Variants in B4GALT1 observed in about 807,000 individuals in gnomAD.
The protein encoded by B4GALT1 is beta-1,4-galactosyltransferase 1.
A neutral mutation model predicts 34.9 loss-of-function variants in B4GALT1; 16 were observed. The ratio of observed to expected loss-of-function variants is 0.46; its 90% CI spans 0.31 to 0.70. B4GALT1 has a LOEUF of 0.70. B4GALT1 is among the 30% of genes least tolerant of loss of function. The pLI is 0.05. For synonymous variants in B4GALT1, 221 were observed against 218.1 expected (o/e 1.01, Z -0.12); for missense variants, 445 against 530.5 (o/e 0.84, Z 1.58).
chr9:33,128,618 C>T (rs1367634962), intron 2 of B4GALT1, among the ~76,000 whole-genome samples: 1 of 152,118 alleles, frequency 6.6e-6, no homozygotes, highest in East Asian at 1.9e-4. Context: ...TCCAAGTGCC[C>T]GAAGGAAGGG....
Position 33,135,425 on chromosome 9 carries a change from C to T in B4GALT1, c.413-1G>A, listed in dbSNP as rs768622581. 1 of 1,613,952 alleles carries T rather than the reference C, an allele frequency of 6.2e-7. No individual in the cohort carries two copies. The highest frequency in any genetic ancestry group is 8.5e-7 in the Non-Finnish European group (1 of 1,179,924). Reference sequence around the variant, plus strand: ...TTAAACTCAATCAGCATGGGGCCCACTAGAGAGGTGGAGGGAGGGAGAAGT... The same window carrying T: ...TTAAACTCAATCAGCATGGGGCCCATTAGAGAGGTGGAGGGAGGGAGAAGT... On this transcript the variant is annotated splice_acceptor_variant, in intron 1 of 5. Transcript: ENST00000379731. LOFTEE classifies it high-confidence loss of function.
In B4GALT1 at chr9:33,112,471, G is replaced by C. The variant is rs1423308483; in HGVS notation, c.*983C>G. 1 of 152,622 alleles carries C rather than the reference G, an allele frequency of 6.6e-6. No individual in the cohort carries two copies. 9.5% of individuals were successfully genotyped at this position (152,622 alleles called of 1,614,324 possible). On this transcript the variant is annotated 3_prime_UTR_variant, in exon 6 of 6. Transcript: ENST00000379731. The stretch of plus-strand genomic sequence containing the variant: ...GGGGCCAGAGGGTGATTTTGCTCTT[G>C]AGAAAACCTGGCCTGCCAGCTAAAT...
intron 1 of B4GALT1, among the ~76,000 whole-genome samples, chr9:33,152,540 T>C (rs1226054701): frequency 1.0e-5 from 1 of 100,126 alleles, no homozygotes; most frequent in African/African-American, 3.9e-5. Context: ...TAAAAAAAAA[T>C]GGGCCAAAAA....
chr9:33,128,231 C>T (rs1402767293), intron 2 of B4GALT1, among the ~76,000 whole-genome samples: 2 of 152,144 alleles, frequency 1.3e-5, no homozygotes, highest in African/African-American at 2.4e-5. Flanking sequence ...AGGTAAAAGG[C>T]CCCTGCTAGA....
chr9:33,128,420 G>GA (rs910336605), intron 2 of B4GALT1, among the ~76,000 whole-genome samples: 1 of 152,092 alleles, frequency 6.6e-6, no homozygotes, highest in African/African-American at 2.4e-5. Context: ...TGGGTGAGCA[G>GA]AAAAAATGGC....
At chr9:33,127,734 T>A (rs575387295) in intron 2 of B4GALT1, among the ~76,000 whole-genome samples, 2 of 152,324 alleles carry the variant, frequency 1.3e-5, no homozygotes, top group Admixed American at 1.3e-4. Flanking sequence ...ATGAAGACTA[T>A]GAAATAACAT....
intron 1 of B4GALT1, among the ~76,000 whole-genome samples, chr9:33,138,922 C>T (rs1840308296): frequency 1.3e-5 from 2 of 152,050 alleles, no homozygotes; most frequent in South Asian, 2.1e-4. Flanking sequence ...CTTCTATTCC[C>T]CCTCCTCTCT....
chr9:33,115,159 AT>A (rs1226437879), intron 4 of B4GALT1, among the ~76,000 whole-genome samples: 1 of 152,242 alleles, frequency 6.6e-6, no homozygotes, highest in Admixed American at 6.5e-5. Flanking sequence ...CAAGGCTTAT[AT>A]TGAAGACGTG....
the B4GALT1 span, chr9:33,179,220 G>A: frequency 2.8e-4 from 43 of 152,342 alleles, no homozygotes; most frequent in East Asian, 8.3e-3. Flanking sequence ...TGGGAATAAT[G>A]CAACCCTCCA....
chr9:33,145,743 C>T (rs542911671), intron 1 of B4GALT1, among the ~76,000 whole-genome samples: 2 of 152,330 alleles, frequency 1.3e-5, no homozygotes, highest in South Asian at 4.1e-4. Flanking sequence ...TGGATGCATC[C>T]ACACAGTGGA....
intron 1 of B4GALT1, among the ~76,000 whole-genome samples, chr9:33,150,278 A>C (rs1426770436): frequency 6.6e-6 from 1 of 151,144 alleles, no homozygotes; most frequent in East Asian, 1.9e-4. Context: ...AGCGAGAGAG[A>C]GAGAGAGAGA....
chr9:33,114,427 T>C (rs1315739046), intron 4 of B4GALT1, among the ~76,000 whole-genome samples: 1 of 152,096 alleles, frequency 6.6e-6, no homozygotes, highest in African/African-American at 2.4e-5. Context: ...TGGCAGGTGA[T>C]GGGCTGAAAA....
chr9:33,118,128 G>A (rs1839966300), intron 3 of B4GALT1, among the ~76,000 whole-genome samples: 1 of 152,214 alleles, frequency 6.6e-6, no homozygotes, highest in Non-Finnish European at 1.5e-5. Flanking sequence ...TTCAAGAGAA[G>A]AAGATACACA....
chr9:33,105,286 T>C (rs1164448105), intron 2 of B4GALT1, among the ~76,000 whole-genome samples: 5 of 152,046 alleles, frequency 3.3e-5, no homozygotes, highest in South Asian at 2.1e-4. Context: ...ATTACAGGCA[T>C]GCACCACCAC....
intron 2 of B4GALT1, among the ~76,000 whole-genome samples, chr9:33,126,196 C>T (rs1293947605): frequency 6.6e-6 from 1 of 152,090 alleles, no homozygotes; most frequent in African/African-American, 2.4e-5. Flanking sequence ...CCCACTGAGA[C>T]AGTAAGAGGA....
intron 3 of B4GALT1, among the ~76,000 whole-genome samples, chr9:33,116,354 C>T (rs1324351645): frequency 6.6e-6 from 1 of 151,986 alleles, no homozygotes; most frequent in Non-Finnish European, 1.5e-5. Context: ...GCCTCAGCCT[C>T]CTGAGGAGCT....
chr9:33,130,259 A>C (rs1362942053), intron 2 of B4GALT1, among the ~76,000 whole-genome samples: 1 of 152,102 alleles, frequency 6.6e-6, no homozygotes, highest in Non-Finnish European at 1.5e-5. Context: ...CCAGGTGGTG[A>C]CCTGCCCTCC....
chr9:33,173,000 T>C, the B4GALT1 span, among the ~76,000 whole-genome samples: 1 of 152,054 alleles, frequency 6.6e-6, no homozygotes, highest in Non-Finnish European at 1.5e-5. Flanking sequence ...AAAAAGGGCC[T>C]CAGGACCTGA....
intron 1 of B4GALT1, among the ~76,000 whole-genome samples, chr9:33,144,862 A>G (rs1052229650): frequency 1.3e-5 from 2 of 152,224 alleles, no homozygotes; most frequent in Non-Finnish European, 2.9e-5. Context: ...TCCTGGCAGC[A>G]AGAGCAGCAA....
Sources: allele counts gnomAD v4.1 joint callset (sites outside exome capture counted in the v4.1 genomes callset), GRCh38; gene constraint gnomAD v4.1.1; transcripts MANE v1.5; gene names NCBI Gene and HGNC (gene_info 2026-07-23, HGNC 2026-07-21).